Variants in GABRB2 observed in about 807,000 individuals in gnomAD.
GABRB2 encodes the protein gamma-aminobutyric acid receptor subunit beta-2.
In GABRB2, 16 loss-of-function variants were observed where a neutral mutation model predicts 54.7. The ratio of observed to expected loss-of-function variants is 0.29; its 90% CI spans 0.20 to 0.44. The LOEUF is 0.44. Among genes scored for constraint, GABRB2 ranks in the 20% least tolerant of loss-of-function variants. The pLI, the probability that GABRB2 is intolerant of heterozygous loss-of-function variation, is 1.00. For missense variants in GABRB2, 355 were observed against 644.0 expected, an observed-to-expected ratio of 0.55 and a Z score of 4.86; for synonymous variants, 244 against 233.8, an observed-to-expected ratio of 1.04 and a Z score of -0.40.
chr5:161,546,767 C>T (rs919427938), upstream of GABRB2: 21 of 1,453,612 alleles, frequency 1.4e-5, no homozygotes, highest in Non-Finnish European at 1.7e-5. Flanking sequence ...AAAGGGGAAG[C>T]GGCGGCTGCC....
At position 161,363,065 on chromosome 5, in the gene GABRB2, A is replaced by G. The variant is rs192484380; in HGVS notation, c.542-26296T>C. On this transcript the variant is annotated intron_variant, in intron 5 of 9. Transcript: ENST00000393959. ...AGGATTATAAATCATTCTGCTATAA[A>G]GACACATGCACACGTATGTTAATTG... is the stretch of plus-strand genomic sequence containing the variant. 4.3e-3 allele frequency among the ~76,000 whole-genome samples: 657 copies of G among 152,336 alleles called. 8 individuals carry two copies. Among genetic ancestry groups the G allele is most frequent in the African/African-American group, 0.014 (581 of 41,572 alleles).
intron 5 of GABRB2, among the ~76,000 whole-genome samples, chr5:161,364,684 C>T (rs1341675851): frequency 6.6e-6 from 1 of 152,060 alleles, no homozygotes; most frequent in Non-Finnish European, 1.5e-5. Context: ...TACTTCTTTC[C>T]CTCAAATATT....
At chr5:161,475,826 A>C (rs1194370746) in intron 3 of GABRB2, among the ~76,000 whole-genome samples, 1 of 151,912 alleles carries the variant, frequency 6.6e-6, no homozygotes, top group African/African-American at 2.4e-5. Context: ...CCATATACAA[A>C]ATGTCCATAG....
intron 4 of GABRB2, among the ~76,000 whole-genome samples, chr5:161,458,969 T>C (rs1554102118): frequency 6.6e-6 from 1 of 152,184 alleles, no homozygotes; most frequent in Non-Finnish European, 1.5e-5. Context: ...AGATATATTT[T>C]TTCTTCTTTT....
chr5:161,362,345 T>C (rs1561622478), intron 5 of GABRB2, among the ~76,000 whole-genome samples: 2 of 152,218 alleles, frequency 1.3e-5, no homozygotes, highest in Admixed American at 6.5e-5. Flanking sequence ...GGGGATAGCA[T>C]TGAATCTATA....
chr5:161,434,566 G>A (rs1056024749), intron 4 of GABRB2, among the ~76,000 whole-genome samples: 1 of 151,838 alleles, frequency 6.6e-6, no homozygotes, highest in African/African-American at 2.4e-5. Flanking sequence ...CACATATGCT[G>A]TTCCCTCTAC....
intron 4 of GABRB2, among the ~76,000 whole-genome samples, chr5:161,412,670 T>G (rs1461652681): frequency 6.6e-6 from 1 of 152,122 alleles, no homozygotes; most frequent in Non-Finnish European, 1.5e-5. Flanking sequence ...ATCATCTCAC[T>G]CCATGTCCTC....
intron 4 of GABRB2, among the ~76,000 whole-genome samples, chr5:161,429,363 A>AAAAAAAAAAAG (rs1217636539): frequency 4.0e-5 from 6 of 149,704 alleles, no homozygotes; most frequent in South Asian, 4.2e-4. Flanking sequence ...AAAAAAGAAA[A>AAAAAAAAAAAG]AGAAAAAAAA....
chr5:161,435,518 G>T (rs6556548), intron 4 of GABRB2, among the ~76,000 whole-genome samples: 66,131 of 151,956 alleles, frequency 0.44, 16,069 homozygotes, highest in African/African-American at 0.67. Context: ...TTTTCTAACA[G>T]TTAACATTTT....
chr5:161,309,394 T>C (rs374966467), intron 9 of GABRB2, among the ~76,000 whole-genome samples: 5 of 152,310 alleles, frequency 3.3e-5, no homozygotes, highest in African/African-American at 1.2e-4. Flanking sequence ...AAGGGATGCT[T>C]ATACACTGTT....
At chr5:161,398,013 T>TGATA (rs67936445) in intron 5 of GABRB2, among the ~76,000 whole-genome samples, 5,239 of 151,066 alleles carry the variant, frequency 0.035, 306 homozygotes, top group African/African-American at 0.12. Context: ...GGTAGATAGA[T>TGATA]GATAGATAGA....
Position 161,404,481 on chromosome 5 carries a change from C to A in GABRB2, c.541+6494G>T, listed in dbSNP as rs116718854. The stretch of plus-strand genomic sequence containing the variant: ...TTATGTGACACCTCCACTTTACACC[C>A]CCCTTTCACACACACACATAAACAG... On this transcript the variant is annotated intron_variant, in intron 5 of 9. Transcript: ENST00000393959. 2.3e-3 allele frequency among the ~76,000 whole-genome samples: 346 copies of A among 152,116 alleles called. 2 individuals carry two copies. Among genetic ancestry groups the A allele is most frequent in the African/African-American group, 7.8e-3 (322 of 41,524 alleles).
intron 5 of GABRB2, among the ~76,000 whole-genome samples, chr5:161,410,143 T>G (rs1453992472): frequency 6.6e-6 from 1 of 152,140 alleles, no homozygotes; most frequent in Non-Finnish European, 1.5e-5. Flanking sequence ...CAACTTCCAG[T>G]TATTTAGTGG....
chr5:161,392,132 A>C (rs1280502283), intron 5 of GABRB2, among the ~76,000 whole-genome samples: 1 of 152,116 alleles, frequency 6.6e-6, no homozygotes, highest in Non-Finnish European at 1.5e-5. Context: ...CCTGTGTTCC[A>C]GGCCCCTTCT....
chr5:161,380,786 A>G lies in GABRB2; in HGVS notation c.541+30189T>C, dbSNP rs73797593. Among the ~76,000 whole-genome samples, 664 of 152,238 alleles carry G rather than the reference A, an allele frequency of 4.4e-3. 8 individuals carry two copies. Among genetic ancestry groups the G allele is most frequent in the African/African-American group, 0.014 (588 of 41,560 alleles). On this transcript the variant is annotated intron_variant, in intron 5 of 9. Coordinates refer to ENST00000393959, the MANE Select transcript of GABRB2 (RefSeq NM_001371727.1). Reference sequence around the variant, plus strand: ...ACATGGAGCCAGAATGAAAGACTGTATAGTGAGGTGGAAATAAAATGGTTG... The same window carrying G: ...ACATGGAGCCAGAATGAAAGACTGTGTAGTGAGGTGGAAATAAAATGGTTG...
chr5:161,387,606 AACTGCTCAT>A, intron 5 of GABRB2, among the ~76,000 whole-genome samples: 1 of 152,312 alleles, frequency 6.6e-6, no homozygotes, highest in South Asian at 2.1e-4. Flanking sequence ...ACTACCTAGT[AACTGCTCAT>A]ACTTTTCTGT....
intron 5 of GABRB2, among the ~76,000 whole-genome samples, chr5:161,351,660 T>C (rs940348693): frequency 3.3e-5 from 5 of 152,010 alleles, no homozygotes; most frequent in African/African-American, 1.2e-4. Flanking sequence ...TTGGAGCTAT[T>C]ACCCAGAAAG....
At chr5:161,475,945 A>G (rs1758578971) in intron 3 of GABRB2, among the ~76,000 whole-genome samples, 1 of 151,976 alleles carries the variant, frequency 6.6e-6, no homozygotes, top group Non-Finnish European at 1.5e-5. Flanking sequence ...TAGAAAGTCT[A>G]GCCAGAGCAA....
intron 4 of GABRB2, among the ~76,000 whole-genome samples, chr5:161,458,010 G>T (rs1274652637): frequency 6.6e-6 from 1 of 152,120 alleles, no homozygotes; most frequent in Non-Finnish European, 1.5e-5. Context: ...ATCCAGCACT[G>T]GGTCTGCTCT....
Sources: allele counts gnomAD v4.1 joint callset (sites outside exome capture counted in the v4.1 genomes callset), GRCh38; gene constraint gnomAD v4.1.1; transcripts MANE v1.5; gene names NCBI Gene and HGNC (gene_info 2026-07-23, HGNC 2026-07-21).